Variants in PPP1R12B observed in about 807,000 individuals in gnomAD.
The protein encoded by PPP1R12B is protein phosphatase 1 regulatory subunit 12B, also known as myosin phosphatase target subunit 2.
A neutral mutation model predicts 126.1 loss-of-function variants in PPP1R12B; 76 were observed. That is an observed-to-expected ratio of 0.60 (90% CI 0.50 to 0.73). The LOEUF is 0.73. Among genes scored for constraint, PPP1R12B ranks in the 30% least tolerant of loss-of-function variants. PPP1R12B has a pLI of 0.00. For synonymous variants in PPP1R12B, 356 were observed against 434.7 expected (o/e 0.82, Z 2.25); for missense variants, 1,052 against 1,205.1 (o/e 0.87, Z 1.88).
intron 1 of PPP1R12B, 49 bp downstream of exon 1, chr1:202,349,191 C>T (rs1418515671): frequency 6.3e-7 from 1 of 1,597,544 alleles, no homozygotes; most frequent in Non-Finnish European, 8.5e-7. Context: ...ACAGATGAGC[C>T]TTTGACCCTG....
At position 202,509,411 on chromosome 1, in the gene PPP1R12B, CT is replaced by C. The variant is rs558981933; in HGVS notation, c.2490+12593del. ...TCTCTGTTATGTTTTAGTTCATTACCTTTTGAGGAGAAAGTCTGAAATGGTT... is the reference window on the plus strand; with the variant it reads ...TCTCTGTTATGTTTTAGTTCATTACCTTTGAGGAGAAAGTCTGAAATGGTT... On this transcript the variant is annotated intron_variant, in intron 18 of 23. Coordinates refer to ENST00000608999, the MANE Select transcript of PPP1R12B (RefSeq NM_002481.4). 3.3e-5 allele frequency among the ~76,000 whole-genome samples: 5 copies of C among 152,240 alleles called. No individual in the cohort carries two copies. The South Asian group carries it at 1.0e-3, about 32-fold the overall frequency.
intron 23 of PPP1R12B, among the ~76,000 whole-genome samples, chr1:202,578,813 G>A (rs1423995425): frequency 6.6e-6 from 1 of 152,228 alleles, no homozygotes; most frequent in African/African-American, 2.4e-5. Context: ...AAATGGAAAT[G>A]CAGAGAAGGC....
intron 23 of PPP1R12B, chr1:202,575,597 G>C (rs1689021808): frequency 6.5e-6 from 1 of 153,290 alleles, no homozygotes; most frequent in Non-Finnish European, 1.5e-5. Context: ...GTTGGGCCTT[G>C]GGTAACCAAG....
rs200648031 is a variant in PPP1R12B at position 202,362,822 on chromosome 1, GTTTATTTA to G, written c.291+13698_291+13705del. Among the ~76,000 whole-genome samples, 6 of 151,924 alleles carry G rather than the reference GTTTATTTA, an allele frequency of 3.9e-5. No homozygotes were observed. In the South Asian group the frequency reaches 6.2e-4, roughly 16 times the overall value. ...TATAATGCACTTCTGTAGTTTGAAT[GTTTATTTA>G]TTTATTTATTTATTTATGTTTGAGA... On this transcript the variant is annotated intron_variant, in intron 1 of 23. Coordinates refer to ENST00000608999, the MANE Select transcript of PPP1R12B (RefSeq NM_002481.4).
intron 1 of PPP1R12B, among the ~76,000 whole-genome samples, chr1:202,413,574 A>C (rs961072307): frequency 2.0e-5 from 3 of 152,202 alleles, no homozygotes; most frequent in African/African-American, 7.2e-5. Flanking sequence ...AGGACTCCCA[A>C]AATTTAACCA....
In PPP1R12B at chr1:202,583,771, G is replaced by A. The variant is rs1446963122; in HGVS notation, c.*3211G>A. On this transcript the variant is annotated 3_prime_UTR_variant, in exon 24 of 24. Transcript: ENST00000608999. ...CACCTGCTGGTTTGGAGACTCATGA[G>A]CACCCCAGGCAGCTCAAGCTGAATA... 6.6e-6 allele frequency: 1 copy of A among 152,200 alleles called. No homozygotes were observed. Among genetic ancestry groups the A allele is most frequent in the African/African-American group, 2.4e-5 (1 of 41,440 alleles). 9.4% of individuals were successfully genotyped at this position (152,200 alleles called of 1,614,324 possible). A position where few individuals can be genotyped will look rare whatever the true frequency, so the allele number is the denominator to read the frequency against.
chr1:202,482,663 T>C (rs1055544514), intron 13 of PPP1R12B, among the ~76,000 whole-genome samples: 1 of 152,238 alleles, frequency 6.6e-6, no homozygotes, highest in African/African-American at 2.4e-5. Context: ...ATGTATAGTT[T>C]GCAAATTTTC....
intron 18 of PPP1R12B, among the ~76,000 whole-genome samples, chr1:202,544,609 G>A (rs1389779351): frequency 6.6e-6 from 1 of 152,096 alleles, no homozygotes; most frequent in African/African-American, 2.4e-5. Context: ...CATTGAATTG[G>A]TATTTGTTAT....
At chr1:202,387,177 A>T (rs1047083048) in intron 1 of PPP1R12B, among the ~76,000 whole-genome samples, 2 of 152,226 alleles carry the variant, frequency 1.3e-5, no homozygotes, top group Non-Finnish European at 2.9e-5. Context: ...ACAAAGTATT[A>T]ACATTATTTT....
chr1:202,453,454 A>G (rs945148927), intron 13 of PPP1R12B, among the ~76,000 whole-genome samples: 6 of 152,082 alleles, frequency 3.9e-5, no homozygotes, highest in African/African-American at 1.4e-4. Flanking sequence ...TGTTGGCCTC[A>G]TCAGATAAGT....
chr1:202,509,735 C>T lies in PPP1R12B; in HGVS notation c.2490+12913C>T, dbSNP rs1232450887. Among the ~76,000 whole-genome samples, 14 of 152,182 alleles carry T rather than the reference C, an allele frequency of 9.2e-5. No individual in the cohort carries two copies. The South Asian group carries it at 2.3e-3, about 25-fold the overall frequency. ...TTTACTAGTCTTTTTGCCTTGTCAA[C>T]GCTTAGTCTACTGAATATGTGCAGG... On this transcript the variant is annotated intron_variant, in intron 18 of 23. Coordinates refer to ENST00000608999, the MANE Select transcript of PPP1R12B (RefSeq NM_002481.4).
At chr1:202,371,733 A>G (rs1660302080) in intron 1 of PPP1R12B, among the ~76,000 whole-genome samples, 1 of 151,856 alleles carries the variant, frequency 6.6e-6, no homozygotes. Flanking sequence ...GAGAGAGAGT[A>G]TTTGTATACC....
At position 202,495,371 on chromosome 1, in the gene PPP1R12B, T is replaced by A. The variant is rs1422760279; in HGVS notation, c.2224T>A (p.Ser742Thr). The change falls in exon 16 of 24, where the codon TCA becomes ACA. Residue 742 changes from serine (S) to threonine (T), a missense_variant. Transcript: ENST00000608999. Reference protein sequence around the residue: ...TPASPSTSRPSLYTSSHLLWT... With the variant: ...TPASPSTSRPTLYTSSHLLWT... ...AGCATCTCCTTCTACGTCAAGACCCTCACTCTACACCAGTTCCCACCTGCT... is the reference window on the plus strand; with the variant it reads ...AGCATCTCCTTCTACGTCAAGACCCACACTCTACACCAGTTCCCACCTGCT... 6.2e-7 allele frequency: 1 copy of A among 1,607,292 alleles called. No individual in the cohort carries two copies. Among genetic ancestry groups the A allele is most frequent in the South Asian group, 1.1e-5 (1 of 90,240 alleles).
chr1:202,568,243 G>A (rs1688247256), intron 22 of PPP1R12B, among the ~76,000 whole-genome samples: 1 of 151,926 alleles, frequency 6.6e-6, no homozygotes, highest in African/African-American at 2.4e-5. Flanking sequence ...CAGAAAGGAA[G>A]CTTTCAGTGG....
rs74746206 is a variant in PPP1R12B, at chr1:202,527,829, C to G, written c.2490+31007C>G. On this transcript the variant is annotated intron_variant, in intron 18 of 23. Transcript: ENST00000608999. The stretch of plus-strand genomic sequence containing the variant: ...AAAAAGAAGGAAGCGAGAATCTACA[C>G]TAGATTGTTTTGCCTCCAACTTGTT... Among the ~76,000 whole-genome samples, 9 of 152,280 alleles carry G rather than the reference C, an allele frequency of 5.9e-5. No homozygotes were observed. In the East Asian group the frequency reaches 1.7e-3, roughly 29 times the overall value.
intron 1 of PPP1R12B, among the ~76,000 whole-genome samples, chr1:202,368,872 C>T (rs1659742296): frequency 6.6e-6 from 1 of 152,134 alleles, no homozygotes; most frequent in African/African-American, 2.4e-5. Context: ...GCTACGACTA[C>T]AGGAATGCAC....
At chr1:202,575,183 G>A (rs545643245) in intron 23 of PPP1R12B, 1 of 1,582,020 alleles carries the variant, frequency 6.3e-7, no homozygotes, top group South Asian at 1.1e-5. Context: ...ACTACTCCAG[G>A]CAGGTTCAGT....
In PPP1R12B at chr1:202,377,832, G is replaced by GTTTTTTTTTT. The variant is rs74860606; in HGVS notation, c.291+28708_291+28717dup. On this transcript the variant is annotated intron_variant, in intron 1 of 23. Coordinates refer to ENST00000608999, the MANE Select transcript of PPP1R12B (RefSeq NM_002481.4). ...GGAGAAAGAAAGGTCAAAGACAGGT[G>GTTTTTTTTTT]TTTTTTTTTTTTTTTTTTTTTTTTT... 2.2e-4 allele frequency among the ~76,000 whole-genome samples: 21 copies of GTTTTTTTTTT among 97,266 alleles called. 3 individuals carry two copies. Among genetic ancestry groups the GTTTTTTTTTT allele is most frequent in the African/African-American group, 1.0e-3 (21 of 20,138 alleles). 63.8% of individuals were successfully genotyped at this position (97,266 alleles called of 152,430 possible). A position where few individuals can be genotyped will look rare whatever the true frequency, so the allele number is the denominator to read the frequency against.
chr1:202,382,455 AAAC>A (rs961241547), intron 1 of PPP1R12B, among the ~76,000 whole-genome samples: 7 of 150,734 alleles, frequency 4.6e-5, no homozygotes, highest in Admixed American at 2.0e-4. Flanking sequence ...AAAAAGAAAA[AAAC>A]CCACTTTATT....
Sources: gnomAD v4.1 joint callset for allele counts (sites outside exome capture counted in the v4.1 genomes callset) on GRCh38, gnomAD v4.1.1 for gene constraint, MANE v1.5 for transcripts, NCBI Gene and HGNC (gene_info 2026-07-23, HGNC 2026-07-21) for gene names.